XKR6: variants seen among roughly 807,000 people sequenced by gnomAD.
The protein encoded by XKR6 is XK related 6.
A neutral mutation model predicts 56.7 loss-of-function variants in XKR6; 22 were observed. The ratio of observed to expected loss-of-function variants is 0.39; its 90% CI spans 0.28 to 0.55. The LOEUF is 0.55. Ranked by LOEUF, XKR6 falls within the 20% of genes least tolerant of loss-of-function variation. The pLI, the probability that XKR6 is intolerant of heterozygous loss-of-function variation, is 0.66. For synonymous variants in XKR6, 524 were observed against 387.8 expected (o/e 1.35, Z -4.13); for missense variants, 852 against 889.0 (o/e 0.96, Z 0.53).
intron 1 of XKR6, among the ~76,000 whole-genome samples, chr8:11,165,701 A>C (rs1018089251): frequency 6.6e-6 from 1 of 152,176 alleles, no homozygotes; most frequent in African/African-American, 2.4e-5. Flanking sequence ...CCAGTATCAA[A>C]ATGATTCATC....
At chr8:10,951,423 G>T (rs1801720941) in intron 1 of XKR6, among the ~76,000 whole-genome samples, 1 of 152,148 alleles carries the variant, frequency 6.6e-6, no homozygotes, top group Non-Finnish European at 1.5e-5. Flanking sequence ...CAGTGGAACA[G>T]CGAGAAGGCT....
At chr8:11,185,224 G>C (rs1410343093) in intron 1 of XKR6, among the ~76,000 whole-genome samples, 1 of 152,190 alleles carries the variant, frequency 6.6e-6, no homozygotes, top group African/African-American at 2.4e-5. Context: ...GGTGGAATAA[G>C]TGGGTAAGAA....
chr8:11,090,260 T>A (rs983485060), intron 1 of XKR6, among the ~76,000 whole-genome samples: 2 of 152,110 alleles, frequency 1.3e-5, no homozygotes, highest in Admixed American at 1.3e-4. Flanking sequence ...GAGTTTTAGT[T>A]TATTTTTTGT....
At chr8:10,991,196 A>T (rs1002926339) in intron 1 of XKR6, among the ~76,000 whole-genome samples, 1 of 152,042 alleles carries the variant, frequency 6.6e-6, no homozygotes, top group African/African-American at 2.4e-5. Context: ...GAGCCACCCC[A>T]GCTGGGAATG....
intron 1 of XKR6, among the ~76,000 whole-genome samples, chr8:11,148,335 C>G (rs550932156): frequency 6.6e-6 from 1 of 152,324 alleles, no homozygotes; most frequent in East Asian, 1.9e-4. Flanking sequence ...ACGGGATGTG[C>G]ATGCTCAGAG....
At chr8:11,086,149 T>TATATATATATATATATATATATATATA (rs1554454135) in intron 1 of XKR6, among the ~76,000 whole-genome samples, 4 of 100,806 alleles carry the variant, frequency 4.0e-5, no homozygotes, top group African/African-American at 1.4e-4. Context: ...TATATATATA[T>TATATATATATATATATATATATATATA]TTTTTTTTAA....
chr8:10,971,103 A>G (rs937203380), intron 1 of XKR6, among the ~76,000 whole-genome samples: 1 of 151,206 alleles, frequency 6.6e-6, no homozygotes, highest in African/African-American at 2.4e-5. Context: ...TATTCTTTTC[A>G]GTTTCCTGTT....
At chr8:11,162,288 G>A (rs1219182418) in intron 1 of XKR6, among the ~76,000 whole-genome samples, 2 of 152,148 alleles carry the variant, frequency 1.3e-5, no homozygotes, top group African/African-American at 4.8e-5. Context: ...GCTCACCACA[G>A]AGTAAACCCA....
At chr8:11,133,499 G>T (rs1003127935) in intron 1 of XKR6, among the ~76,000 whole-genome samples, 1 of 152,128 alleles carries the variant, frequency 6.6e-6, no homozygotes, top group Non-Finnish European at 1.5e-5. Flanking sequence ...ACCTTTCGGA[G>T]TATGGACCTT....
rs544618540 is a variant in XKR6 at position 11,099,082 on chromosome 8, C to T, written c.764+101494G>A. On this transcript the variant is annotated intron_variant, in intron 1 of 2. Transcript: ENST00000416569. ...ACCAGGTAGGCACGCTGTCCATTTTCGCCCTCCTCTGTCCAAAAAGCAGCA... is the reference window on the plus strand; with the variant it reads ...ACCAGGTAGGCACGCTGTCCATTTTTGCCCTCCTCTGTCCAAAAAGCAGCA... Among the ~76,000 whole-genome samples, 28 of 152,288 alleles carry T rather than the reference C, an allele frequency of 1.8e-4. No homozygotes were observed. In the South Asian group the frequency reaches 4.8e-3, roughly 26 times the overall value.
At chr8:10,976,357 G>A (rs1802557727) in intron 1 of XKR6, among the ~76,000 whole-genome samples, 2 of 152,146 alleles carry the variant, frequency 1.3e-5, no homozygotes, top group Non-Finnish European at 2.9e-5. Flanking sequence ...TGTCATGGTG[G>A]AAGCTCAATG....
intron 1 of XKR6, among the ~76,000 whole-genome samples, chr8:11,037,125 C>A (rs1183671508): frequency 6.6e-6 from 1 of 152,232 alleles, no homozygotes; most frequent in African/African-American, 2.4e-5. Flanking sequence ...TCTCAAATTT[C>A]TGCATCTGTT....
intron 1 of XKR6, among the ~76,000 whole-genome samples, chr8:11,179,542 T>C (rs541847527): frequency 6.6e-6 from 1 of 152,292 alleles, no homozygotes; most frequent in East Asian, 1.9e-4. Context: ...TATAGTTACA[T>C]AGCCTTGTCT....
chr8:10,942,918 T>C (rs563223747), intron 1 of XKR6, among the ~76,000 whole-genome samples: 11 of 152,372 alleles, frequency 7.2e-5, no homozygotes, highest in Non-Finnish European at 1.2e-4. Context: ...CCTCCTTGTT[T>C]GTCCTTTCCA....
At chr8:11,125,157 G>A (rs1799709433) in intron 1 of XKR6, among the ~76,000 whole-genome samples, 1 of 151,622 alleles carries the variant, frequency 6.6e-6, no homozygotes, top group South Asian at 2.1e-4. Flanking sequence ...GTGAAAGCAA[G>A]CGTGGGGCCA....
chr8:10,960,466 C>T (rs576995739), intron 1 of XKR6, among the ~76,000 whole-genome samples: 25 of 152,304 alleles, frequency 1.6e-4, no homozygotes, highest in African/African-American at 4.6e-4. Flanking sequence ...GTAAGAGAGA[C>T]GGAAGCCTTT....
intron 1 of XKR6, among the ~76,000 whole-genome samples, chr8:11,060,930 C>G (rs1371976606): frequency 6.6e-6 from 1 of 152,184 alleles, no homozygotes; most frequent in Non-Finnish European, 1.5e-5. Flanking sequence ...TATCCCCTAT[C>G]CCCATTTTAC....
chr8:11,165,679 G>A (rs1802037340), intron 1 of XKR6, among the ~76,000 whole-genome samples: 1 of 152,096 alleles, frequency 6.6e-6, no homozygotes, highest in South Asian at 2.1e-4. Context: ...AAAATTAACA[G>A]TGAATCCCAA....
chr8:11,053,562 G>A (rs1315903404), intron 1 of XKR6, among the ~76,000 whole-genome samples: 4 of 152,208 alleles, frequency 2.6e-5, no homozygotes, highest in East Asian at 3.8e-4. Context: ...CAGGTGCTGC[G>A]CCTCCTGCAC....
Sources: gnomAD v4.1 joint callset for allele counts (sites outside exome capture counted in the v4.1 genomes callset) on GRCh38, gnomAD v4.1.1 for gene constraint, MANE v1.5 for transcripts, NCBI Gene and HGNC (gene_info 2026-07-23, HGNC 2026-07-21) for gene names.